Variants in ARHGAP24 observed in about 807,000 individuals in gnomAD.
ARHGAP24 encodes the protein rho GTPase-activating protein 24.
In ARHGAP24, 50 loss-of-function variants were observed where a neutral mutation model predicts 76.4. That is an observed-to-expected ratio of 0.65 (90% CI 0.52 to 0.83). The LOEUF (loss-of-function observed/expected upper bound fraction) is 0.83. ARHGAP24 is among the 40% of genes least tolerant of loss of function. The pLI, the probability that ARHGAP24 is intolerant of heterozygous loss-of-function variation, is 0.00. For missense variants in ARHGAP24, 930 were observed against 914.2 expected (o/e 1.02, Z -0.22); for synonymous variants, 345 against 323.3 (o/e 1.07, Z -0.72).
At chr4:85,724,129 G>A (rs551002428) in intron 3 of ARHGAP24, among the ~76,000 whole-genome samples, 1 of 152,276 alleles carries the variant, frequency 6.6e-6, no homozygotes, top group East Asian at 1.9e-4. Context: ...CAGGCCGTGG[G>A]CCTACCTGGC....
chr4:85,520,434 A>G (rs1253306413), intron 1 of ARHGAP24, among the ~76,000 whole-genome samples: 1 of 152,186 alleles, frequency 6.6e-6, no homozygotes, highest in Non-Finnish European at 1.5e-5. Flanking sequence ...GATAATGGGC[A>G]TAGGATATGT....
intron 1 of ARHGAP24, among the ~76,000 whole-genome samples, chr4:85,557,257 G>A (rs34375706): frequency 6.6e-6 from 1 of 152,040 alleles, no homozygotes; most frequent in Non-Finnish European, 1.5e-5. Context: ...GCTCAGCTGT[G>A]GATTTGGTTC....
At chr4:85,863,419 T>C (rs1341435495) in intron 3 of ARHGAP24, among the ~76,000 whole-genome samples, 3 of 152,106 alleles carry the variant, frequency 2.0e-5, no homozygotes, top group African/African-American at 7.2e-5. Context: ...GATATTATAA[T>C]CTTTTTAAAA....
At chr4:85,664,254 C>T (rs554218122) in intron 2 of ARHGAP24, among the ~76,000 whole-genome samples, 4 of 150,644 alleles carry the variant, frequency 2.7e-5, no homozygotes, top group Non-Finnish European at 1.5e-5. Flanking sequence ...GTGTATGTGT[C>T]GAGGAATTTA....
chr4:85,730,576 ATTT>A (rs749745512), intron 3 of ARHGAP24, among the ~76,000 whole-genome samples: 2 of 151,850 alleles, frequency 1.3e-5, no homozygotes, highest in Non-Finnish European at 2.9e-5. Flanking sequence ...TGCTCAGCTA[ATTT>A]TTTTGTTTTT....
intron 4 of ARHGAP24, among the ~76,000 whole-genome samples, chr4:85,928,353 A>T (rs1171386503): frequency 6.9e-6 from 1 of 145,292 alleles, no homozygotes; most frequent in Non-Finnish European, 1.5e-5. Flanking sequence ...GTGTATTTTT[A>T]TACTGGGTTT....
chr4:85,903,834 C>T (rs1268521645), intron 3 of ARHGAP24, among the ~76,000 whole-genome samples: 1 of 152,022 alleles, frequency 6.6e-6, no homozygotes, highest in Non-Finnish European at 1.5e-5. Context: ...AAATATATTC[C>T]ATAAAACACA....
At chr4:85,621,346 T>G (rs2110003541) in intron 2 of ARHGAP24, among the ~76,000 whole-genome samples, 1 of 152,278 alleles carries the variant, frequency 6.6e-6, no homozygotes, top group East Asian at 1.9e-4. Flanking sequence ...GTTTCTAAAC[T>G]GCCTTCCACA....
chr4:85,744,751 A>G (rs1232219810), intron 3 of ARHGAP24, among the ~76,000 whole-genome samples: 1 of 152,188 alleles, frequency 6.6e-6, no homozygotes, highest in African/African-American at 2.4e-5. Flanking sequence ...CATCTTTCAT[A>G]TTGGTTTGGG....
At chr4:85,653,918 C>T (rs932815876) in intron 2 of ARHGAP24, among the ~76,000 whole-genome samples, 2 of 152,000 alleles carry the variant, frequency 1.3e-5, no homozygotes, top group Admixed American at 1.3e-4. Flanking sequence ...TTCTATTGAA[C>T]TCTGCTGCTC....
At chr4:85,745,800 A>T (rs1460319425) in intron 3 of ARHGAP24, among the ~76,000 whole-genome samples, 1 of 152,170 alleles carries the variant, frequency 6.6e-6, no homozygotes, top group Non-Finnish European at 1.5e-5. Context: ...GTCCTGGAGA[A>T]GTTTGTTGGA....
chr4:85,565,613 T>G (rs1270715286), intron 1 of ARHGAP24, among the ~76,000 whole-genome samples: 1 of 152,190 alleles, frequency 6.6e-6, no homozygotes, highest in African/African-American at 2.4e-5. Context: ...GTGCATTCAC[T>G]GAGTGGATGC....
intron 3 of ARHGAP24, among the ~76,000 whole-genome samples, chr4:85,762,036 G>A (rs894639117): frequency 1.3e-5 from 2 of 152,158 alleles, no homozygotes; most frequent in African/African-American, 4.8e-5. Flanking sequence ...GTTGGCCAGT[G>A]GCCATGGTAA....
intron 4 of ARHGAP24, chr4:85,931,081 AAAT>A (rs1430211933): frequency 6.4e-7 from 1 of 1,559,716 alleles, no homozygotes; most frequent in Non-Finnish European, 8.7e-7. Context: ...TTATAAATAT[AAAT>A]AATATTATCT....
At chr4:85,620,953 C>G (rs1023509204) in intron 2 of ARHGAP24, among the ~76,000 whole-genome samples, 2 of 151,770 alleles carry the variant, frequency 1.3e-5, no homozygotes, top group African/African-American at 2.4e-5. Flanking sequence ...TTTTGGAGTC[C>G]CTAGTATCTA....
intron 3 of ARHGAP24, among the ~76,000 whole-genome samples, chr4:85,756,834 G>A (rs1178279520): frequency 6.6e-6 from 1 of 152,164 alleles, no homozygotes; most frequent in Non-Finnish European, 1.5e-5. Context: ...CCAAAGCCCC[G>A]TGTTGACCAA....
At chr4:85,539,910 T>C (rs889588611) in intron 1 of ARHGAP24, among the ~76,000 whole-genome samples, 2 of 152,092 alleles carry the variant, frequency 1.3e-5, no homozygotes, top group African/African-American at 4.8e-5. Context: ...CTGGGTGTGG[T>C]GGCGGGTTCC....
intron 1 of ARHGAP24, among the ~76,000 whole-genome samples, chr4:85,487,783 A>C (rs1481176439): frequency 9.2e-6 from 1 of 109,104 alleles, no homozygotes; most frequent in Non-Finnish European, 1.7e-5. Flanking sequence ...TATTTATTAT[A>C]TATTATATAA....
chr4:85,819,651 G>C (rs975565052), intron 3 of ARHGAP24, among the ~76,000 whole-genome samples: 2 of 152,182 alleles, frequency 1.3e-5, no homozygotes, highest in African/African-American at 4.8e-5. Flanking sequence ...AGGTGCGGTG[G>C]CTCATGCCTG....
Sources: gnomAD v4.1 joint callset for allele counts (sites outside exome capture counted in the v4.1 genomes callset) on GRCh38, gnomAD v4.1.1 for gene constraint, MANE v1.5 for transcripts, NCBI Gene and HGNC (gene_info 2026-07-23, HGNC 2026-07-21) for gene names.